Variants in KLHL6 observed in about 807,000 individuals in gnomAD.
KLHL6 encodes the protein kelch like family member 6, also known as kelch-like protein 6.
A neutral mutation model predicts 58.6 loss-of-function variants in KLHL6; 41 were observed. That is an observed-to-expected ratio of 0.70 (90% CI 0.55 to 0.91). KLHL6 has a LOEUF of 0.91. KLHL6 is among the 40% of genes least tolerant of loss of function. KLHL6 has a pLI of 0.00. For missense variants in KLHL6, 714 were observed against 805.6 expected, an observed-to-expected ratio of 0.89 and a Z score of 1.38; for synonymous variants, 338 against 322.7, an observed-to-expected ratio of 1.05 and a Z score of -0.51.
intron 2 of KLHL6, 71 bp downstream of exon 2, chr3:183,527,774 G>C (rs1364460159): frequency 4.1e-6 from 6 of 1,449,664 alleles, no homozygotes; most frequent in Non-Finnish European, 5.7e-6. Flanking sequence ...AGCTAGACCA[G>C]GTCTGGCCTC....
At chr3:183,544,626 C>T (rs1487804347) in intron 1 of KLHL6, 2 of 152,076 alleles carry the variant, frequency 1.3e-5, no homozygotes, top group Non-Finnish European at 2.9e-5. Flanking sequence ...AGCATCTCTC[C>T]ATATCGGGAA....
chr3:183,532,216 C>T (rs1712185754), intron 1 of KLHL6, among the ~76,000 whole-genome samples: 1 of 152,176 alleles, frequency 6.6e-6, no homozygotes, highest in African/African-American at 2.4e-5. Flanking sequence ...AGAGATTCCA[C>T]ACCCACCTCA....
intron 1 of KLHL6, among the ~76,000 whole-genome samples, chr3:183,538,352 C>T (rs916983496): frequency 6.6e-6 from 1 of 152,110 alleles, no homozygotes; most frequent in Non-Finnish European, 1.5e-5. Flanking sequence ...ATACCCACAC[C>T]TATCACTCCC....
At chr3:183,510,738 G>A (rs1028452293) in intron 2 of KLHL6, among the ~76,000 whole-genome samples, 1 of 152,052 alleles carries the variant, frequency 6.6e-6, no homozygotes, top group East Asian at 1.9e-4. Flanking sequence ...GTCAGGCGTG[G>A]TGGCACATGC....
intron 3 of KLHL6, among the ~76,000 whole-genome samples, chr3:183,500,146 A>G (rs2108667650): frequency 6.6e-6 from 1 of 152,274 alleles, no homozygotes; most frequent in African/African-American, 2.4e-5. Context: ...TATCAGATGC[A>G]CTTCCTGCCT....
intron 3 of KLHL6, among the ~76,000 whole-genome samples, chr3:183,502,428 C>T (rs996454497): frequency 6.6e-6 from 1 of 152,136 alleles, no homozygotes; most frequent in Non-Finnish European, 1.5e-5. Flanking sequence ...GTATTCACAT[C>T]TGTGTAGTTC....
chr3:183,530,773 G>T lies in KLHL6; in HGVS notation c.294-2763C>A, dbSNP rs544690426. Among the ~76,000 whole-genome samples the T allele has an allele frequency of 1.3e-4, 20 of 151,766 alleles. 1 individual carries two copies. In the South Asian group the frequency reaches 2.1e-3, roughly 16 times the overall value. ...GAGACAAGACAATTGAAGGAAGGCTGTCAGACTTCTTGGATTTGACGGTAA... is the reference window on the plus strand; with the variant it reads ...GAGACAAGACAATTGAAGGAAGGCTTTCAGACTTCTTGGATTTGACGGTAA... On this transcript the variant is annotated intron_variant, in intron 1 of 6. Transcript: ENST00000341319.
At chr3:183,519,288 A>ATG in intron 2 of KLHL6, among the ~76,000 whole-genome samples, 1 of 152,170 alleles carries the variant, frequency 6.6e-6, no homozygotes, top group Non-Finnish European at 1.5e-5. Context: ...TGCAAGGACC[A>ATG]ATGACCAGAA....
Position 183,513,306 on chromosome 3 carries a change from T to C in KLHL6, c.460-4798A>G, listed in dbSNP as rs970904912. 2.6e-5 allele frequency among the ~76,000 whole-genome samples: 4 copies of C among 152,326 alleles called. No individual in the cohort carries two copies. The East Asian group carries it at 7.7e-4, about 29-fold the overall frequency. On this transcript the variant is annotated intron_variant, in intron 2 of 6. Coordinates refer to ENST00000341319, the MANE Select transcript of KLHL6 (RefSeq NM_130446.4). Reference sequence around the variant, plus strand: ...CCTGAGGAAACCAGATTCAGAGAAGTAATTTCCTCAGAGACTTACAGTTAA... The same window carrying C: ...CCTGAGGAAACCAGATTCAGAGAAGCAATTTCCTCAGAGACTTACAGTTAA...
rs1717616025 is a variant in KLHL6, at chr3:183,492,952, G to A, written c.1351-245C>T. ...GTGTTGGGATGTGCCAGCCTCTCCCGGAATCCAGCTCTCAGGCAAGAATAA... is the reference window on the plus strand; with the variant it reads ...GTGTTGGGATGTGCCAGCCTCTCCCAGAATCCAGCTCTCAGGCAAGAATAA... On this transcript the variant is annotated intron_variant, in intron 5 of 6. Transcript: ENST00000341319. The surrounding 1 kb of genome is among the most constrained non-coding windows in gnomAD (Gnocchi z 5.9). 6 of 501,056 alleles carry A rather than the reference G, an allele frequency of 1.2e-5. No individual in the cohort carries two copies. Among genetic ancestry groups the A allele is most frequent in the South Asian group, 2.3e-5 (1 of 43,666 alleles). The allele number at this position is 501,056 out of a possible 1,614,324, so 31.0% of individuals were successfully genotyped here. A position where few individuals can be genotyped will look rare whatever the true frequency, so the allele number is the denominator to read the frequency against.
In KLHL6 at chr3:183,519,097, A is replaced by T. The variant is rs115869210; in HGVS notation, c.459+8748T>A. ...GTATGGCAGCAGCAGATGAGATGAG[A>T]GTGTATTGTTTCCAGACAAAGGGGC... On this transcript the variant is annotated intron_variant, in intron 2 of 6. Coordinates refer to ENST00000341319, the MANE Select transcript of KLHL6 (RefSeq NM_130446.4). Among the ~76,000 whole-genome samples the T allele has an allele frequency of 5.4e-3, 828 of 152,128 alleles. 6 individuals are homozygous for T. Among genetic ancestry groups the T allele is most frequent in the African/African-American group, 0.019 (788 of 41,492 alleles).
At chr3:183,513,718 T>C (rs570822851) in intron 2 of KLHL6, among the ~76,000 whole-genome samples, 1 of 151,946 alleles carries the variant, frequency 6.6e-6, no homozygotes, top group South Asian at 2.1e-4. Context: ...TCTTTTTTTT[T>C]ATTTTACTTT....
Position 183,492,025 on chromosome 3 carries a change from A to G in KLHL6, c.1768T>C (p.Cys590Arg). 1.2e-6 allele frequency: 2 copies of G among 1,612,928 alleles called. No individual in the cohort carries two copies. Among genetic ancestry groups the G allele is most frequent in the Non-Finnish European group, 1.7e-6 (2 of 1,179,460 alleles). The stretch of plus-strand genomic sequence containing the variant: ...TGCGACACGCCCCGGGGCAGGACGC[A>G]CTCCTCTGTCAGTTTCTGGGCCTCG... The part of the protein sequence containing the change: ...DPEAQKLTEE[C>R]VLPRGVSHHG... The change falls in exon 7 of 7, where the codon TGC becomes CGC. Residue 590 changes from cysteine (C) to arginine (R), a missense_variant. Transcript: ENST00000341319. This position sits in a 1 kb window ranked among gnomAD's most constrained non-coding sequence, Gnocchi z 5.9.
chr3:183,545,544 T>C (rs1712689986), intron 1 of KLHL6, among the ~76,000 whole-genome samples: 1 of 152,342 alleles, frequency 6.6e-6, no homozygotes, highest in South Asian at 2.1e-4. Context: ...TTGATTGGAA[T>C]AATATCCACA....
chr3:183,497,763 C>T (rs927708256), intron 4 of KLHL6, among the ~76,000 whole-genome samples: 15 of 152,184 alleles, frequency 9.9e-5, no homozygotes, highest in East Asian at 3.8e-4. Flanking sequence ...TGTCCTGCCC[C>T]GACCCCTGCA....
intron 2 of KLHL6, among the ~76,000 whole-genome samples, chr3:183,517,883 G>T (rs1048962070): frequency 6.6e-6 from 1 of 152,160 alleles, no homozygotes; most frequent in Non-Finnish European, 1.5e-5. Flanking sequence ...GGTGTGGTTT[G>T]TGTGTGTGTG....
At chr3:183,539,284 G>A (rs962190078) in intron 1 of KLHL6, among the ~76,000 whole-genome samples, 2 of 152,144 alleles carry the variant, frequency 1.3e-5, no homozygotes, top group Non-Finnish European at 2.9e-5. Flanking sequence ...AGAATTCCAT[G>A]AGGCCTATGG....
intron 2 of KLHL6, among the ~76,000 whole-genome samples, chr3:183,509,050 C>T (rs948100993): frequency 1.3e-5 from 2 of 152,148 alleles, no homozygotes; most frequent in Non-Finnish European, 2.9e-5. Flanking sequence ...TTGTGGAAAA[C>T]TCTACTGAAC....
At chr3:183,516,562 A>C (rs1017421177) in intron 2 of KLHL6, among the ~76,000 whole-genome samples, 1 of 152,222 alleles carries the variant, frequency 6.6e-6, no homozygotes, top group Non-Finnish European at 1.5e-5. Context: ...TTCCCACAAG[A>C]AGTGTCTGCC....
Sources: gnomAD v4.1 joint callset for allele counts (sites outside exome capture counted in the v4.1 genomes callset) on GRCh38, gnomAD v4.1.1 for gene constraint, Gnocchi (gnomAD v3.1) non-coding constraint, MANE v1.5 for transcripts, NCBI Gene and HGNC (gene_info 2026-07-23, HGNC 2026-07-21) for gene names.